The following ZNF804A variants were observed in gnomAD, a reference collection of about 807,000 sequenced individuals.
The protein encoded by ZNF804A is zinc finger protein 804A.
In ZNF804A, 2 loss-of-function variants were observed where a neutral mutation model predicts 16.5. The observed-to-expected ratio is 0.12, with a 90% CI of 0.05 to 0.38. The LOEUF is 0.38. Ranked by LOEUF, ZNF804A falls within the 10% of genes least tolerant of loss-of-function variation. The pLI, the probability that ZNF804A is intolerant of heterozygous loss-of-function variation, is 0.99. For missense variants in ZNF804A, 1,473 were observed against 1,390.7 expected, an observed-to-expected ratio of 1.06 and a Z score of -0.94; for synonymous variants, 534 against 489.6, an observed-to-expected ratio of 1.09 and a Z score of -1.20.
intron 1 of ZNF804A, among the ~76,000 whole-genome samples, chr2:184,657,365 A>G (rs1299899997): frequency 6.6e-6 from 1 of 152,100 alleles, no homozygotes; most frequent in East Asian, 1.9e-4. Context: ...AAGATTATAG[A>G]CTTGAGCCAC....
intron 1 of ZNF804A, among the ~76,000 whole-genome samples, chr2:184,804,784 T>C (rs1442242204): frequency 1.3e-5 from 2 of 152,142 alleles, no homozygotes; most frequent in African/African-American, 4.8e-5. Flanking sequence ...AAAAGCTTGA[T>C]CAAGTGAGTT....
intron 1 of ZNF804A, among the ~76,000 whole-genome samples, chr2:184,849,120 G>T (rs183513391): frequency 9.9e-5 from 15 of 152,148 alleles, no homozygotes; most frequent in Non-Finnish European, 7.4e-5. Context: ...TCTTCAAAAT[G>T]CCTGCCTGTG....
intron 2 of ZNF804A, among the ~76,000 whole-genome samples, chr2:184,886,097 T>G (rs1203872165): frequency 6.6e-6 from 1 of 152,164 alleles, no homozygotes. Context: ...AGCAAGCTAG[T>G]TTCTTCCTAG....
chr2:184,761,041 G>A (rs1421114832), intron 1 of ZNF804A, among the ~76,000 whole-genome samples: 2 of 152,050 alleles, frequency 1.3e-5, no homozygotes, highest in Non-Finnish European at 2.9e-5. Flanking sequence ...TATCAGATAA[G>A]CTGTTAGGCT....
chr2:184,733,802 T>C (rs1362115214), intron 1 of ZNF804A, among the ~76,000 whole-genome samples: 3 of 152,186 alleles, frequency 2.0e-5, no homozygotes, highest in African/African-American at 4.8e-5. Flanking sequence ...CTTGTGGACA[T>C]AAATTTATTC....
intron 1 of ZNF804A, among the ~76,000 whole-genome samples, chr2:184,745,535 G>A (rs1301813295): frequency 6.6e-6 from 1 of 151,564 alleles, no homozygotes; most frequent in South Asian, 2.1e-4. Context: ...ACATATATAA[G>A]CTATTTGTAT....
chr2:184,751,099 C>A (rs1230913954), intron 1 of ZNF804A, among the ~76,000 whole-genome samples: 1 of 151,476 alleles, frequency 6.6e-6, no homozygotes, highest in African/African-American at 2.4e-5. Flanking sequence ...AGGTTGCTTG[C>A]ACATCTTAAA....
At chr2:184,792,413 T>C (rs537548034) in intron 1 of ZNF804A, among the ~76,000 whole-genome samples, 1 of 152,326 alleles carries the variant, frequency 6.6e-6, no homozygotes, top group Admixed American at 6.5e-5. Flanking sequence ...TAAAGACATA[T>C]GATGTTGAGT....
At chr2:184,655,051 T>C (rs1212586808) in intron 1 of ZNF804A, among the ~76,000 whole-genome samples, 1 of 152,232 alleles carries the variant, frequency 6.6e-6, no homozygotes, top group Non-Finnish European at 1.5e-5. Flanking sequence ...GAGTGAATTG[T>C]ATTCTATCTA....
chr2:184,776,966 A>C (rs549101738), intron 1 of ZNF804A, among the ~76,000 whole-genome samples: 11 of 151,560 alleles, frequency 7.3e-5, no homozygotes, highest in Non-Finnish European at 1.6e-4. Flanking sequence ...CATTTATCTC[A>C]AGATTGGTGG....
chr2:184,899,468 T>C (rs1367942871), intron 2 of ZNF804A, among the ~76,000 whole-genome samples: 1 of 151,988 alleles, frequency 6.6e-6, no homozygotes, highest in Non-Finnish European at 1.5e-5. Context: ...GTGTGGTCTT[T>C]TTCATGGGTG....
chr2:184,648,059 G>T (rs1408807510), intron 1 of ZNF804A, among the ~76,000 whole-genome samples: 1 of 152,088 alleles, frequency 6.6e-6, no homozygotes, highest in Non-Finnish European at 1.5e-5. Flanking sequence ...AAGGCCAGAT[G>T]GGGGCCCGAT....
intron 2 of ZNF804A, among the ~76,000 whole-genome samples, chr2:184,882,570 T>A (rs183290609): frequency 6.6e-6 from 1 of 151,800 alleles, no homozygotes; most frequent in East Asian, 1.9e-4. Flanking sequence ...AATTAAAAAA[T>A]AATAATAAAT....
chr2:184,606,887 ATG>A (rs1691155992), intron 1 of ZNF804A, among the ~76,000 whole-genome samples: 1 of 152,028 alleles, frequency 6.6e-6, no homozygotes, highest in Non-Finnish European at 1.5e-5. Context: ...TATTGTTCCT[ATG>A]TTTCTGGAGA....
At chr2:184,647,993 C>A (rs1210519312) in intron 1 of ZNF804A, among the ~76,000 whole-genome samples, 1 of 152,018 alleles carries the variant, frequency 6.6e-6, no homozygotes, top group Non-Finnish European at 1.5e-5. Context: ...ATAAAAAGCT[C>A]AAATAATGTA....
At chr2:184,786,687 G>C (rs192009782) in intron 1 of ZNF804A, among the ~76,000 whole-genome samples, 2 of 151,958 alleles carry the variant, frequency 1.3e-5, no homozygotes, top group Admixed American at 1.3e-4. Flanking sequence ...GTCCTGAAGA[G>C]CAATTGTTTC....
At chr2:184,848,714 G>T (rs949890722) in intron 1 of ZNF804A, among the ~76,000 whole-genome samples, 5 of 151,994 alleles carry the variant, frequency 3.3e-5, no homozygotes, top group African/African-American at 1.2e-4. Context: ...GATAGAAGAT[G>T]ATGACACAGC....
At chr2:184,650,621 A>T (rs1691966176) in intron 1 of ZNF804A, among the ~76,000 whole-genome samples, 1 of 152,196 alleles carries the variant, frequency 6.6e-6, no homozygotes, top group Non-Finnish European at 1.5e-5. Flanking sequence ...GTTTCAGAAT[A>T]CAAAATCAGT....
chr2:184,712,424 TG>T (rs1352893361), intron 1 of ZNF804A, among the ~76,000 whole-genome samples: 1 of 151,724 alleles, frequency 6.6e-6, no homozygotes, highest in African/African-American at 2.4e-5. Flanking sequence ...CTCCCATACA[TG>T]ATGAGTTTAT....
Sources: allele counts gnomAD v4.1 joint callset (sites outside exome capture counted in the v4.1 genomes callset), GRCh38; gene constraint gnomAD v4.1.1; transcripts MANE v1.5; gene names NCBI Gene and HGNC (gene_info 2026-07-23, HGNC 2026-07-21).